The following CACNG4 variants were observed in gnomAD, a reference collection of about 807,000 sequenced individuals.
The protein encoded by CACNG4 is voltage-dependent calcium channel gamma-4 subunit.
CACNG4 carries 8 observed loss-of-function variants against 22.9 expected under a neutral mutation model. The observed-to-expected ratio is 0.35, with a 90% CI of 0.21 to 0.63. The LOEUF (loss-of-function observed/expected upper bound fraction) is 0.63, where lower values mean the gene tolerates loss of function less well. Ranked by LOEUF, CACNG4 falls within the 30% of genes least tolerant of loss-of-function variation. The pLI, the probability that CACNG4 is intolerant of heterozygous loss-of-function variation, is 0.72. For synonymous variants in CACNG4, 188 were observed against 191.9 expected (o/e 0.98, Z 0.17); for missense variants, 357 against 455.4 (o/e 0.78, Z 1.97).
chr17:67,005,358 G>A (rs1334605529), intron 1 of CACNG4, among the ~76,000 whole-genome samples: 1 of 152,176 alleles, frequency 6.6e-6, no homozygotes, highest in Non-Finnish European at 1.5e-5. Flanking sequence ...GGGCTCCCCA[G>A]TGGTACACCC....
intron 1 of CACNG4, among the ~76,000 whole-genome samples, chr17:66,987,917 G>A (rs772853316): frequency 2.6e-5 from 4 of 152,078 alleles, no homozygotes; most frequent in Admixed American, 6.6e-5. Context: ...GTTCATGCAC[G>A]ATGTTGGCAT....
chr17:67,026,452 T>C (rs536593024), intron 3 of CACNG4, among the ~76,000 whole-genome samples: 36 of 145,144 alleles, frequency 2.5e-4, no homozygotes, highest in Middle Eastern at 3.5e-3. Context: ...GAATGTGGTG[T>C]ATGTGTGTGT....
chr17:67,014,720 T>C (rs571989226), intron 1 of CACNG4, among the ~76,000 whole-genome samples: 4 of 152,000 alleles, frequency 2.6e-5, no homozygotes, highest in East Asian at 1.9e-4. Flanking sequence ...GTGGATTGCT[T>C]GAGGTCAGAA....
rs558332844 is a variant in CACNG4, at chr17:67,004,773, G to A, written c.221-13416G>A. Among the ~76,000 whole-genome samples, 11 of 152,264 alleles carry A rather than the reference G, an allele frequency of 7.2e-5. No individual in the cohort carries two copies. In the East Asian group the frequency reaches 1.9e-3, roughly 27 times the overall value. On this transcript the variant is annotated intron_variant, in intron 1 of 3. Transcript: ENST00000262138. ...GGTCTCAGTCCTGTCACCTAGGCTG[G>A]AGTGCAGTGGTATGATCTCAGCTCA... is the stretch of plus-strand genomic sequence containing the variant.
At chr17:66,973,270 A>C (rs1041966676) in intron 1 of CACNG4, among the ~76,000 whole-genome samples, 1 of 151,590 alleles carries the variant, frequency 6.6e-6, no homozygotes, top group Admixed American at 6.6e-5. Context: ...CACATGTAAC[A>C]TAAGTGGGGG....
intron 3 of CACNG4, among the ~76,000 whole-genome samples, chr17:67,025,680 G>A (rs1476615251): frequency 6.6e-6 from 1 of 152,278 alleles, no homozygotes; most frequent in Non-Finnish European, 1.5e-5. Flanking sequence ...CCACAGAGCT[G>A]TGGGTGACAG....
chr17:67,025,314 T>C (rs539251798), intron 3 of CACNG4, among the ~76,000 whole-genome samples: 1 of 152,332 alleles, frequency 6.6e-6, no homozygotes, highest in South Asian at 2.1e-4. Context: ...GAATTTCACC[T>C]CAACCGGAAA....
chr17:66,996,908 T>C (rs987888648), intron 1 of CACNG4, among the ~76,000 whole-genome samples: 4 of 152,118 alleles, frequency 2.6e-5, no homozygotes, highest in Non-Finnish European at 5.9e-5. Flanking sequence ...CCTGCCCTGA[T>C]GACTTCTGAG....
intron 1 of CACNG4, among the ~76,000 whole-genome samples, chr17:67,010,792 G>A (rs1189794015): frequency 1.3e-5 from 2 of 152,052 alleles, no homozygotes; most frequent in Non-Finnish European, 2.9e-5. Flanking sequence ...GTGGAAATGG[G>A]GTGGTGTGGG....
chr17:67,009,575 A>G (rs913017066), intron 1 of CACNG4, among the ~76,000 whole-genome samples: 5 of 152,152 alleles, frequency 3.3e-5, no homozygotes, highest in African/African-American at 1.2e-4. Flanking sequence ...AAACTACAAA[A>G]TATAGTGTAT....
chr17:67,003,788 CAG>C (rs2035422052), intron 1 of CACNG4, among the ~76,000 whole-genome samples: 1 of 152,276 alleles, frequency 6.6e-6, no homozygotes, highest in South Asian at 2.1e-4. Flanking sequence ...CAGGGGGTAA[CAG>C]AGCTCTAAAC....
chr17:67,024,767 G>A (rs905089419), intron 2 of CACNG4, 93 bp from the exon 3 acceptor site: 97 of 1,311,546 alleles, frequency 7.4e-5, no homozygotes, highest in Non-Finnish European at 3.8e-5. Context: ...AGGGCCTGGA[G>A]CTGCAAGGTT....
rs147514247 is a variant in CACNG4, at chr17:66,994,795, G to A, written c.221-23394G>A. ...CACCTGTACAGAGTTAGCACTCAGC[G>A]CCTCCTCCATACGTTCTCAGAGGCC... is the stretch of plus-strand genomic sequence containing the variant. On this transcript the variant is annotated intron_variant, in intron 1 of 3. Transcript: ENST00000262138. 7.7e-3 allele frequency among the ~76,000 whole-genome samples: 1,171 copies of A among 152,226 alleles called. 8 individuals carry two copies. The highest frequency in any genetic ancestry group is 0.027 in the African/African-American group (1,115 of 41,526).
chr17:66,980,334 A>C (rs1235847193), intron 1 of CACNG4, among the ~76,000 whole-genome samples: 1 of 152,194 alleles, frequency 6.6e-6, no homozygotes, highest in Non-Finnish European at 1.5e-5. Flanking sequence ...TGCTTTTACA[A>C]ACCTTTATCA....
At chr17:66,967,987 GC>G (rs1201692935) in intron 1 of CACNG4, among the ~76,000 whole-genome samples, 1 of 152,176 alleles carries the variant, frequency 6.6e-6, no homozygotes, top group Admixed American at 6.5e-5. Flanking sequence ...CCTTCTGCCT[GC>G]CCCTCTGCTG....
chr17:66,993,798 G>A (rs970757585), intron 1 of CACNG4, among the ~76,000 whole-genome samples: 14 of 151,986 alleles, frequency 9.2e-5, no homozygotes, highest in East Asian at 3.9e-4. Context: ...TAAAGACGGC[G>A]TTTCACCAGA....
At chr17:66,992,370 A>G (rs752916877) in intron 1 of CACNG4, among the ~76,000 whole-genome samples, 36 of 152,222 alleles carry the variant, frequency 2.4e-4, no homozygotes, top group Non-Finnish European at 4.6e-4. Context: ...TTTAGGTCCT[A>G]TCCCCACCTA....
chr17:67,012,427 G>A (rs995224463), intron 1 of CACNG4, among the ~76,000 whole-genome samples: 6 of 152,070 alleles, frequency 3.9e-5, no homozygotes, highest in African/African-American at 1.2e-4. Flanking sequence ...GTGTATCTTG[G>A]GTGGCCATCC....
At chr17:67,005,466 C>G (rs77612369) in intron 1 of CACNG4, among the ~76,000 whole-genome samples, 1 of 152,182 alleles carries the variant, frequency 6.6e-6, no homozygotes, top group Admixed American at 6.5e-5. Context: ...TGCACAGGTG[C>G]TCACAACACA....
Sources: gnomAD v4.1 joint callset for allele counts (sites outside exome capture counted in the v4.1 genomes callset) on GRCh38, gnomAD v4.1.1 for gene constraint, MANE v1.5 for transcripts, NCBI Gene and HGNC (gene_info 2026-07-23, HGNC 2026-07-21) for gene names.